DNAJC24: variants seen among roughly 807,000 people sequenced by gnomAD.
DNAJC24 encodes dnaJ homolog subfamily C member 24.
In DNAJC24, 17 loss-of-function variants were observed where a neutral mutation model predicts 18.0. That is an observed-to-expected ratio of 0.94 (90% CI 0.65 to 1.42). The LOEUF is 1.42. Ranked by LOEUF, DNAJC24 falls within the 40% of genes most tolerant of loss-of-function variation. The probability of loss-of-function intolerance (pLI) is 0.00; values close to 1 mark genes in which losing one functional copy is unlikely to be tolerated. For synonymous variants in DNAJC24, 55 were observed against 57.7 expected (o/e 0.95, Z 0.21); for missense variants, 158 against 175.6 (o/e 0.90, Z 0.57).
chr11:31,415,042 C>T, intron 3 of DNAJC24, 93 bp downstream of exon 3: 1 of 1,385,608 alleles, frequency 7.2e-7, no homozygotes, highest in East Asian at 2.5e-5. Flanking sequence ...AGCATTTGCA[C>T]CAAGTGTTAT....
chr11:31,427,035 A>G (rs1329258046), intron 4 of DNAJC24: 1 of 152,174 alleles, frequency 6.6e-6, no homozygotes, highest in African/African-American at 2.4e-5. Flanking sequence ...AACAGAAGCC[A>G]TGAGTACCAT....
chr11:31,404,851 G>A (rs1952638869), intron 2 of DNAJC24, among the ~76,000 whole-genome samples: 1 of 151,578 alleles, frequency 6.6e-6, no homozygotes, highest in South Asian at 2.1e-4. Context: ...TTGGGGCATT[G>A]CAAGACAGTA....
chr11:31,414,308 G>C (rs1178947380), intron 2 of DNAJC24, among the ~76,000 whole-genome samples: 1 of 152,110 alleles, frequency 6.6e-6, no homozygotes, highest in Non-Finnish European at 1.5e-5. Context: ...TGGGGAAGAA[G>C]ATGAAAGTTG....
At chr11:31,428,963 AC>A (rs1256496221) in intron 4 of DNAJC24, among the ~76,000 whole-genome samples, 1 of 152,118 alleles carries the variant, frequency 6.6e-6, no homozygotes, top group Non-Finnish European at 1.5e-5. Flanking sequence ...TTCAGGGTTC[AC>A]TGAGGTAGTA....
chr11:31,412,804 T>C (rs1215541733), intron 2 of DNAJC24, among the ~76,000 whole-genome samples: 1 of 152,220 alleles, frequency 6.6e-6, no homozygotes, highest in East Asian at 1.9e-4. Context: ...TGTCCCAGCC[T>C]GTATGATGTT....
intron 2 of DNAJC24, among the ~76,000 whole-genome samples, chr11:31,379,718 T>C (rs929952440): frequency 6.6e-6 from 1 of 152,168 alleles, no homozygotes; most frequent in African/African-American, 2.4e-5. Context: ...TGAGTATAAA[T>C]GCTCCACAGT....
intron 3 of DNAJC24, among the ~76,000 whole-genome samples, chr11:31,425,536 T>G (rs1232991599): frequency 6.6e-6 from 1 of 152,170 alleles, no homozygotes; most frequent in Non-Finnish European, 1.5e-5. Context: ...TTTTCCTGGC[T>G]TGCAGACAGC....
chr11:31,407,379 A>G (rs1952666163), intron 2 of DNAJC24: 1 of 152,148 alleles, frequency 6.6e-6, no homozygotes, highest in Non-Finnish European at 1.5e-5. Context: ...AAGAAATATC[A>G]TTTCATTTCA....
chr11:31,425,138 T>TTAGGTGGAA, intron 3 of DNAJC24, among the ~76,000 whole-genome samples: 1 of 152,246 alleles, frequency 6.6e-6, no homozygotes. Context: ...GTTACAAAGC[T>TTAGGTGGAA]TAGGTGGAAT....
At chr11:31,385,824 T>C (rs574806690) in intron 2 of DNAJC24, among the ~76,000 whole-genome samples, 4 of 152,230 alleles carry the variant, frequency 2.6e-5, no homozygotes, top group South Asian at 2.1e-4. Context: ...TGAATAACTA[T>C]ATTAAGGAAG....
chr11:31,421,671 T>C (rs1277001913), intron 3 of DNAJC24, among the ~76,000 whole-genome samples: 1 of 152,208 alleles, frequency 6.6e-6, no homozygotes, highest in African/African-American at 2.4e-5. Context: ...ATAGAAAAGG[T>C]TTCCTGGGAT....
At chr11:31,397,764 T>A (rs1952557212) in intron 2 of DNAJC24, among the ~76,000 whole-genome samples, 1 of 152,144 alleles carries the variant, frequency 6.6e-6, no homozygotes, top group Non-Finnish European at 1.5e-5. Context: ...TAACAGTGAT[T>A]TGCAATAATG....
chr11:31,391,878 T>TA (rs1007707641), intron 2 of DNAJC24, among the ~76,000 whole-genome samples: 1 of 152,088 alleles, frequency 6.6e-6, no homozygotes, highest in Non-Finnish European at 1.5e-5. Flanking sequence ...ACAAATGGAT[T>TA]AAAAAATGTA....
At chr11:31,401,074 G>T (rs1398381350) in intron 2 of DNAJC24, among the ~76,000 whole-genome samples, 1 of 152,084 alleles carries the variant, frequency 6.6e-6, no homozygotes, top group Non-Finnish European at 1.5e-5. Flanking sequence ...CAAAGAATAT[G>T]AACAGATACT....
chr11:31,411,351 C>A (rs762250391), intron 2 of DNAJC24, among the ~76,000 whole-genome samples: 3 of 152,114 alleles, frequency 2.0e-5, no homozygotes, highest in African/African-American at 7.2e-5. Flanking sequence ...AATTTTAAAT[C>A]ATAAATATAT....
chr11:31,385,015 T>A (rs1952414167), intron 2 of DNAJC24: 1 of 152,218 alleles, frequency 6.6e-6, no homozygotes, highest in South Asian at 2.1e-4. Flanking sequence ...AAAAAGCCTC[T>A]GTTACCCAGT....
chr11:31,428,498 G>A (rs967134817), intron 4 of DNAJC24, among the ~76,000 whole-genome samples: 27 of 152,204 alleles, frequency 1.8e-4, no homozygotes, highest in African/African-American at 6.5e-4. Context: ...ACTAGGAAAG[G>A]AAAAATTTGT....
chr11:31,370,693 T>C lies in DNAJC24; in HGVS notation c.-33-23T>C, dbSNP rs866738192. The C allele has an allele frequency of 4.1e-6, 5 of 1,204,880 alleles. No homozygotes were observed. In the African/African-American group the frequency reaches 6.2e-5, roughly 15 times the overall value. 74.6% of individuals were successfully genotyped at this position (1,204,880 alleles called of 1,614,324 possible). A position where few individuals can be genotyped will look rare whatever the true frequency, so the allele number is the denominator to read the frequency against. On this transcript the variant is annotated intron_variant, in intron 1 of 4. Transcript: ENST00000465995. ...TAGATACATGGCAAACTGTGATGAA[T>C]TGTCATTAATATTTCTATTCAGCTA... is the stretch of plus-strand genomic sequence containing the variant.
intron 2 of DNAJC24, among the ~76,000 whole-genome samples, chr11:31,414,287 A>G (rs1407783325): frequency 6.6e-6 from 1 of 152,204 alleles, no homozygotes; most frequent in East Asian, 1.9e-4. Flanking sequence ...TAACTTTATA[A>G]TCTTCAGGGC....
Sources: allele counts gnomAD v4.1 joint callset (sites outside exome capture counted in the v4.1 genomes callset), GRCh38; gene constraint gnomAD v4.1.1; transcripts MANE v1.5; gene names NCBI Gene and HGNC (gene_info 2026-07-23, HGNC 2026-07-21).